MDN1: variants seen among roughly 807,000 people sequenced by gnomAD.
MDN1 encodes the protein midasin.
A neutral mutation model predicts 669.2 loss-of-function variants in MDN1; 266 were observed. That is an observed-to-expected ratio of 0.40 (90% CI 0.36 to 0.44). The LOEUF is 0.44. Among genes scored for constraint, MDN1 ranks in the 20% least tolerant of loss-of-function variants. The pLI, the probability that MDN1 is intolerant of heterozygous loss-of-function variation, is 1.00. For missense variants in MDN1, 5,940 were observed against 6,754.0 expected (o/e 0.88, Z 4.22); for synonymous variants, 2,385 against 2,457.1 (o/e 0.97, Z 0.87).
At chr6:89,739,308 A>C (rs1272615551) in intron 32 of MDN1, among the ~76,000 whole-genome samples, 3 of 152,208 alleles carry the variant, frequency 2.0e-5, no homozygotes, top group African/African-American at 4.8e-5. Context: ...CAGCCAAGCT[A>C]ATATACACAA....
chr6:89,708,890 C>T (rs1305427957), intron 50 of MDN1, among the ~76,000 whole-genome samples: 1 of 151,308 alleles, frequency 6.6e-6, no homozygotes. Flanking sequence ...AAAGGTAATC[C>T]CTACTAGAAT....
intron 86 of MDN1, 107 bp downstream of exon 86, chr6:89,662,685 A>T: frequency 7.8e-7 from 1 of 1,279,040 alleles, no homozygotes; most frequent in African/African-American, 1.5e-5. Context: ...AAAAAAGAGA[A>T]CAAAACAAAT....
At chr6:89,756,914 C>G (rs1368622627) in intron 19 of MDN1, among the ~76,000 whole-genome samples, 1 of 149,440 alleles carries the variant, frequency 6.7e-6, no homozygotes, top group African/African-American at 2.5e-5. Flanking sequence ...GAGGGAGACT[C>G]CATCTCAAAA....
intron 50 of MDN1, among the ~76,000 whole-genome samples, chr6:89,709,722 G>A: frequency 6.6e-6 from 1 of 152,112 alleles, no homozygotes; most frequent in East Asian, 1.9e-4. Context: ...TAAATCTGGT[G>A]TTGTGAAAAT....
chr6:89,744,114 A>AC lies in MDN1; in HGVS notation c.4179-401_4179-400insG, dbSNP rs1459906212. ...GCGGAATGCCTTCTTAAAAAAAAAAAAAAAAAAAAAAAAAAAACCACCACC... is the reference window on the plus strand; with the variant it reads ...GCGGAATGCCTTCTTAAAAAAAAAAACAAAAAAAAAAAAAAAAACCACCACC... On this transcript the variant is annotated intron_variant, in intron 29 of 101. Coordinates refer to ENST00000369393, the MANE Select transcript of MDN1 (RefSeq NM_014611.3). 2.0e-4 allele frequency among the ~76,000 whole-genome samples: 28 copies of AC among 143,426 alleles called. 1 individual carries two copies. Among genetic ancestry groups the AC allele is most frequent in the African/African-American group, 2.5e-4 (10 of 39,842 alleles). 94.1% of individuals were successfully genotyped at this position (143,426 alleles called of 152,430 possible).
At position 89,762,411 on chromosome 6, in the gene MDN1, C is replaced by T; in HGVS notation, c.2264G>A (p.Cys755Tyr). 6.2e-7 allele frequency: 1 copy of T among 1,614,158 alleles called. No individual in the cohort carries two copies. The highest frequency in any genetic ancestry group is 8.5e-7 in the Non-Finnish European group (1 of 1,180,010). ...NFTFLGHIQTCYRQKRWHDLL... is the reference protein window; with the variant it reads ...NFTFLGHIQTYYRQKRWHDLL... Reference sequence around the variant, plus strand: ...ATCATGCCACCGTTTCTGTCTGTAACAGGTCTGAATGTGCCCCAAGAACGT... The same window carrying T: ...ATCATGCCACCGTTTCTGTCTGTAATAGGTCTGAATGTGCCCCAAGAACGT... The change falls in exon 16 of 102, where the codon TGT (cysteine) becomes TAT (tyrosine). Residue 755 changes from cysteine (C) to tyrosine (Y), a missense_variant. By Grantham distance (194) the Cys-to-Tyr change is radical. Coordinates refer to ENST00000369393, the MANE Select transcript of MDN1 (RefSeq NM_014611.3).
At position 89,700,063 on chromosome 6, in the gene MDN1, C is replaced by T. The variant is rs1366200436; in HGVS notation, c.8870G>A (p.Arg2957Lys). Reference sequence around the variant, plus strand: ...GAAAACAACTGAAAGCATGGTTTACCTTCTGAGACAAGCTTGTGCCATAAA... The same window carrying T: ...GAAAACAACTGAAAGCATGGTTTACTTTCTGAGACAAGCTTGTGCCATAAA... ...ADFMAQACLR[R>K]CSKNQQPQIN... The change falls in exon 57 of 102, where the codon AGA (arginine) becomes AAA (lysine). Residue 2957 changes from arginine (R) to lysine (K), a missense_variant and splice_region_variant. Coordinates refer to ENST00000369393, the MANE Select transcript of MDN1 (RefSeq NM_014611.3). 3.1e-6 allele frequency: 5 copies of T among 1,613,298 alleles called. No homozygotes were observed. Among genetic ancestry groups the T allele is most frequent in the Non-Finnish European group, 4.2e-6 (5 of 1,179,468 alleles).
chr6:89,726,442 C>T (rs536252970), intron 37 of MDN1, among the ~76,000 whole-genome samples: 27 of 136,480 alleles, frequency 2.0e-4, no homozygotes, highest in Non-Finnish European at 2.7e-4. Context: ...CCAGCCTGGG[C>T]GGCAGACTGA....
intron 50 of MDN1, among the ~76,000 whole-genome samples, chr6:89,709,392 C>T (rs150766990): frequency 6.6e-6 from 1 of 152,250 alleles, no homozygotes; most frequent in African/African-American, 2.4e-5. Flanking sequence ...AAAAGGGCTA[C>T]AAAACTGAAA....
intron 2 of MDN1, among the ~76,000 whole-genome samples, chr6:89,800,145 A>G (rs1275550800): frequency 2.0e-5 from 3 of 152,016 alleles, no homozygotes; most frequent in Admixed American, 6.6e-5. Context: ...AAGGAAAAAC[A>G]GGCCGGGCAC....
rs762203684 is a variant in MDN1, at chr6:89,674,187, T to C, written c.13164A>G (p.Thr4388=). Residue 4388 remains threonine, a synonymous_variant, in exon 79 of 102, where the codon ACA becomes ACG. Transcript: ENST00000369393. ...CTGTTTTAATGGTTTTTAGCATCTC[T>C]GTTAATCTCGTAGTTGACTGTTGCC... ...HLWQQSTTRL[T]EMLKTIKTVK... 1.9e-6 allele frequency: 3 copies of C among 1,614,242 alleles called. No homozygotes were observed. Among genetic ancestry groups the C allele is most frequent in the East Asian group, 4.5e-5 (2 of 44,884 alleles).
At chr6:89,748,161 C>A (rs967812400) in intron 26 of MDN1, among the ~76,000 whole-genome samples, 3 of 152,070 alleles carry the variant, frequency 2.0e-5, no homozygotes, top group Non-Finnish European at 4.4e-5. Flanking sequence ...CCCGTCTCTA[C>A]TAAAAAGACA....
chr6:89,816,158 GGGAGGCC>G (rs1768810976), intron 1 of MDN1, among the ~76,000 whole-genome samples: 2 of 152,308 alleles, frequency 1.3e-5, no homozygotes, highest in South Asian at 4.1e-4. Flanking sequence ...CCAGGACTTT[GGGAGGCC>G]GACGCGGGTG....
intron 38 of MDN1, among the ~76,000 whole-genome samples, chr6:89,724,790 G>T (rs1815101239): frequency 6.6e-6 from 1 of 152,112 alleles, no homozygotes; most frequent in Non-Finnish European, 1.5e-5. Context: ...GACTGACTGG[G>T]GAATAGTGGA....
chr6:89,776,493 G>A, intron 12 of MDN1, 107 bp downstream of exon 12: 1 of 742,992 alleles, frequency 1.3e-6, no homozygotes, highest in Non-Finnish European at 2.2e-6. Flanking sequence ...TTACAAAAGA[G>A]GTACCACTGC....
At position 89,713,374 on chromosome 6, in the gene MDN1, C is replaced by T. The variant is rs1814094456; in HGVS notation, c.7070-78G>A. ...TGAAAATGGATAAATTCTGCCCTCC[C>T]ATCAAACCTCCTTCCTGTCAACCCC... On this transcript the variant is annotated intron_variant, in intron 46 of 101. Transcript: ENST00000369393. The T allele has an allele frequency of 5.5e-6, 7 of 1,281,370 alleles. No individual in the cohort carries two copies. In the South Asian group the frequency reaches 9.8e-5, roughly 18 times the overall value. The allele number at this position is 1,281,370 out of a possible 1,614,324, so 79.4% of individuals were successfully genotyped here.
intron 33 of MDN1, among the ~76,000 whole-genome samples, chr6:89,733,222 GT>G (rs576483998): frequency 6.6e-6 from 1 of 151,682 alleles, no homozygotes; most frequent in African/African-American, 2.4e-5. Flanking sequence ...ATGCATTCAA[GT>G]TTTTTTCTTT....
At position 89,712,696 on chromosome 6, in the gene MDN1, C is replaced by G. The variant is rs1814030524; in HGVS notation, c.7309G>C (p.Asp2437His). Residue 2437 changes from aspartate (D) to histidine (H), a missense_variant, in exon 48 of 102, where the codon GAT becomes CAT. Physicochemically the swap from Asp to His is moderately conservative, Grantham distance 81. Around this residue, in one of 5 missense-constraint regions of MDN1, gnomAD observed 2,292 missense variants for 2,638.3 expected, o/e 0.87. Coordinates refer to ENST00000369393, the MANE Select transcript of MDN1 (RefSeq NM_014611.3). ...GCAAAGAGAGCTGAGGGCACAGAAT[C>G]TGGCCACAGTCCCATGCCAAGAATG... ...DSILGMGLWP[D>H]SVPSALFATE... The G allele has an allele frequency of 1.2e-6, 2 of 1,614,136 alleles. No individual in the cohort carries two copies. Among genetic ancestry groups the G allele is most frequent in the Non-Finnish European group, 1.7e-6 (2 of 1,179,984 alleles).
chr6:89,643,634 T>G lies in MDN1; in HGVS notation c.*371A>C, dbSNP rs1343552846. 1.7e-5 allele frequency: 3 copies of G among 179,008 alleles called. No individual in the cohort carries two copies. Among genetic ancestry groups the G allele is most frequent in the African/African-American group, 7.1e-5 (3 of 42,046 alleles). 11.1% of individuals were successfully genotyped at this position (179,008 alleles called of 1,614,324 possible). A position where few individuals can be genotyped will look rare whatever the true frequency, so the allele number is the denominator to read the frequency against. ...CTTTAGTCCTTTATACAAAGGACTG[T>G]CAGAGTCCCATGCTCCTGGCAGCAT... On this transcript the variant is annotated 3_prime_UTR_variant, in exon 102 of 102. Transcript: ENST00000369393.
Sources: allele counts gnomAD v4.1 joint callset (sites outside exome capture counted in the v4.1 genomes callset), GRCh38; gene constraint gnomAD v4.1.1; regional missense constraint gnomAD v4.1.1; transcripts MANE v1.5; gene names NCBI Gene and HGNC (gene_info 2026-07-23, HGNC 2026-07-21).